SYNPR: variants seen among roughly 807,000 people sequenced by gnomAD.
SYNPR encodes synaptoporin.
In SYNPR, 23 loss-of-function variants were observed where a neutral mutation model predicts 32.9. The ratio of observed to expected loss-of-function variants is 0.70; its 90% CI spans 0.50 to 0.99. The LOEUF (loss-of-function observed/expected upper bound fraction) is 0.99, where lower values mean the gene tolerates loss of function less well. Among genes scored for constraint, SYNPR ranks in the 50% least tolerant of loss-of-function variants. SYNPR has a pLI of 0.00. For missense variants in SYNPR, 318 were observed against 349.3 expected (o/e 0.91, Z 0.71); for synonymous variants, 146 against 135.9 (o/e 1.07, Z -0.52).
At chr3:63,257,597 A>C (rs1366134654) in intron 2 of SYNPR, among the ~76,000 whole-genome samples, 3 of 152,026 alleles carry the variant, frequency 2.0e-5, no homozygotes, top group South Asian at 4.2e-4. Flanking sequence ...ACAACCAGTA[A>C]CAGCCACTGC....
intron 2 of SYNPR, among the ~76,000 whole-genome samples, chr3:63,266,944 A>T (rs2086495240): frequency 6.6e-6 from 1 of 152,180 alleles, no homozygotes; most frequent in South Asian, 2.1e-4. Flanking sequence ...GGTTATATTC[A>T]TCTTTATTAC....
chr3:63,488,696 T>A (rs371903916), intron 3 of SYNPR, among the ~76,000 whole-genome samples: 9 of 152,120 alleles, frequency 5.9e-5, no homozygotes, highest in African/African-American at 2.2e-4. Flanking sequence ...TTGTTGTTGT[T>A]GTTATTATTA....
chr3:63,556,947 C>T (rs1468230897), intron 4 of SYNPR, among the ~76,000 whole-genome samples: 1 of 152,172 alleles, frequency 6.6e-6, no homozygotes, highest in African/African-American at 2.4e-5. Context: ...TATCACCCAA[C>T]TTGCTAGAAA....
chr3:63,361,488 C>G (rs547794560), intron 2 of SYNPR, among the ~76,000 whole-genome samples: 185 of 151,646 alleles, frequency 1.2e-3, no homozygotes, highest in Non-Finnish European at 2.4e-3. Flanking sequence ...GTCGCAGCTA[C>G]TCAGGAGGCT....
intron 2 of SYNPR, among the ~76,000 whole-genome samples, chr3:63,459,807 C>A (rs1700547965): frequency 6.6e-6 from 1 of 152,060 alleles, no homozygotes; most frequent in Non-Finnish European, 1.5e-5. Flanking sequence ...TCTGTAGTCT[C>A]TTAATACTGA....
intron 2 of SYNPR, among the ~76,000 whole-genome samples, chr3:63,453,089 T>C (rs1422425689): frequency 6.6e-6 from 1 of 152,068 alleles, no homozygotes; most frequent in Non-Finnish European, 1.5e-5. Flanking sequence ...CCCGACCTAT[T>C]GAGTATTGGA....
At chr3:63,276,485 A>C (rs1306102810), upstream of SYNPR, among the ~76,000 whole-genome samples, 1 of 152,222 alleles carries the variant, frequency 6.6e-6, no homozygotes, top group African/African-American at 2.4e-5. Context: ...AAAACAGTTA[A>C]GATAGGTATT....
intron 2 of SYNPR, among the ~76,000 whole-genome samples, chr3:63,265,392 C>T (rs1468527955): frequency 1.3e-5 from 2 of 151,984 alleles, no homozygotes; most frequent in African/African-American, 2.4e-5. Context: ...GCTGACATTA[C>T]AGGCAACTGC....
intron 4 of SYNPR, among the ~76,000 whole-genome samples, chr3:63,574,901 A>G (rs1702951187): frequency 6.6e-6 from 1 of 152,140 alleles, no homozygotes. Context: ...TTTTTCTGTG[A>G]CTTTATAATT....
intron 4 of SYNPR, among the ~76,000 whole-genome samples, chr3:63,576,875 T>C (rs1198472840): frequency 6.6e-6 from 1 of 151,898 alleles, no homozygotes; most frequent in Non-Finnish European, 1.5e-5. Context: ...TTAGTAAACA[T>C]GTTGACCAGG....
At chr3:63,255,453 A>G (rs1388990841) in intron 2 of SYNPR, among the ~76,000 whole-genome samples, 1 of 152,172 alleles carries the variant, frequency 6.6e-6, no homozygotes, top group Non-Finnish European at 1.5e-5. Context: ...ACAAATACAA[A>G]TTTTATGTAT....
intron 2 of SYNPR, among the ~76,000 whole-genome samples, chr3:63,383,672 C>G (rs2088003954): frequency 6.6e-6 from 1 of 152,022 alleles, no homozygotes. Flanking sequence ...ATAAAAGAGG[C>G]CAGGAGCTAC....
intron 4 of SYNPR, among the ~76,000 whole-genome samples, chr3:63,566,599 G>A (rs1428893307): frequency 6.6e-6 from 1 of 152,090 alleles, no homozygotes; most frequent in Non-Finnish European, 1.5e-5. Context: ...AATCTGTGAT[G>A]GGGAGACATT....
At chr3:63,466,828 A>T (rs1470418045) in intron 2 of SYNPR, among the ~76,000 whole-genome samples, 1 of 141,536 alleles carries the variant, frequency 7.1e-6, no homozygotes, top group East Asian at 2.2e-4. Context: ...TTATGACTTC[A>T]TTTAACTTTA....
At chr3:63,247,115 G>C (rs996250068) in intron 1 of SYNPR, among the ~76,000 whole-genome samples, 6 of 151,924 alleles carry the variant, frequency 3.9e-5, no homozygotes. Context: ...ATTGTGCTGA[G>C]TTCAATAAAT....
At chr3:63,374,554 A>T (rs1469972405) in intron 2 of SYNPR, among the ~76,000 whole-genome samples, 1 of 152,150 alleles carries the variant, frequency 6.6e-6, no homozygotes, top group Non-Finnish European at 1.5e-5. Context: ...TACCTATATA[A>T]CACACCTGCA....
At chr3:63,514,791 T>C (rs1701764654) in intron 3 of SYNPR, among the ~76,000 whole-genome samples, 1 of 152,132 alleles carries the variant, frequency 6.6e-6, no homozygotes. Context: ...CTTCCTCTCT[T>C]AGGATGCCTG....
At chr3:63,505,733 C>G (rs904420045) in intron 3 of SYNPR, among the ~76,000 whole-genome samples, 3 of 152,126 alleles carry the variant, frequency 2.0e-5, no homozygotes, top group Non-Finnish European at 4.4e-5. Flanking sequence ...CCTAAGAAAG[C>G]AGGGTTTTAT....
intron 2 of SYNPR, among the ~76,000 whole-genome samples, chr3:63,382,496 TG>T (rs2087985040): frequency 6.6e-6 from 1 of 152,224 alleles, no homozygotes; most frequent in Admixed American, 6.5e-5. Context: ...AAAGTTTCCT[TG>T]CCAGGTTGTT....
Sources: gnomAD v4.1 joint callset for allele counts (sites outside exome capture counted in the v4.1 genomes callset) on GRCh38, gnomAD v4.1.1 for gene constraint, MANE v1.5 for transcripts, NCBI Gene and HGNC (gene_info 2026-07-23, HGNC 2026-07-21) for gene names.